ESRRG: variants seen among roughly 807,000 people sequenced by gnomAD.
The protein encoded by ESRRG is estrogen related receptor gamma.
A neutral mutation model predicts 44.0 loss-of-function variants in ESRRG; 13 were observed. The ratio of observed to expected loss-of-function variants is 0.30; its 90% CI spans 0.19 to 0.47. The LOEUF is 0.47. Ranked by LOEUF, ESRRG falls within the 20% of genes least tolerant of loss-of-function variation. The pLI, the probability that ESRRG is intolerant of heterozygous loss-of-function variation, is 1.00. For missense variants in ESRRG, 395 were observed against 580.6 expected, an observed-to-expected ratio of 0.68 and a Z score of 3.29; for synonymous variants, 215 against 214.6, an observed-to-expected ratio of 1.00 and a Z score of -0.02.
intron 1 of ESRRG, among the ~76,000 whole-genome samples, chr1:217,114,134 G>C (rs1304837127): frequency 6.6e-6 from 1 of 152,042 alleles, no homozygotes; most frequent in Non-Finnish European, 1.5e-5. Context: ...AAGATTTAAA[G>C]ATTACTGTTA....
intron 6 of ESRRG, among the ~76,000 whole-genome samples, chr1:216,517,130 T>G (rs989180324): frequency 6.6e-6 from 1 of 151,778 alleles, no homozygotes; most frequent in Non-Finnish European, 1.5e-5. Flanking sequence ...GGACAGAGAC[T>G]TTTTTTTAGA....
chr1:216,682,174 G>A (rs1181513679), intron 1 of ESRRG: 11 of 152,126 alleles, frequency 7.2e-5, no homozygotes, highest in Non-Finnish European at 1.6e-4. Flanking sequence ...TAAAACAAAT[G>A]GAGAAATAAA....
chr1:216,992,309 A>C (rs2150532407), intron 1 of ESRRG, among the ~76,000 whole-genome samples: 1 of 152,316 alleles, frequency 6.6e-6, no homozygotes, highest in Non-Finnish European at 1.5e-5. Context: ...AAAACTAAAC[A>C]AACATCAAAG....
intron 5 of ESRRG, among the ~76,000 whole-genome samples, chr1:216,533,784 C>T (rs1219987543): frequency 6.6e-6 from 1 of 152,100 alleles, no homozygotes; most frequent in Non-Finnish European, 1.5e-5. Flanking sequence ...AGACAGATCC[C>T]ATTTTTCAGC....
At chr1:216,847,201 T>C (rs2095765223) in intron 2 of ESRRG, among the ~76,000 whole-genome samples, 1 of 152,140 alleles carries the variant, frequency 6.6e-6, no homozygotes, top group Admixed American at 6.6e-5. Context: ...TAGGGCTCTA[T>C]ATTATTAAAG....
chr1:217,089,892 C>T (rs1558248778), upstream of ESRRG, among the ~76,000 whole-genome samples: 1 of 152,222 alleles, frequency 6.6e-6, no homozygotes, highest in East Asian at 1.9e-4. Flanking sequence ...TGACCCAGGA[C>T]GTCATGATGC....
intron 3 of ESRRG, among the ~76,000 whole-genome samples, chr1:216,636,473 G>A (rs1459638341): frequency 5.9e-5 from 9 of 152,146 alleles, no homozygotes; most frequent in African/African-American, 2.2e-4. Flanking sequence ...CATTGTGATC[G>A]AAAAGAGACA....
At chr1:217,099,502 A>G (rs1219348310) in intron 1 of ESRRG, among the ~76,000 whole-genome samples, 1 of 152,176 alleles carries the variant, frequency 6.6e-6, no homozygotes, top group Non-Finnish European at 1.5e-5. Flanking sequence ...ATGAAATCTA[A>G]TATAATGTGG....
At chr1:217,135,547 T>TGTTGGC (rs947643089) in intron 1 of ESRRG, among the ~76,000 whole-genome samples, 3 of 150,994 alleles carry the variant, frequency 2.0e-5, no homozygotes, top group African/African-American at 4.9e-5. Context: ...GCGGCGGCGG[T>TGTTGGC]GTTGGCGGCG....
intron 2 of ESRRG, among the ~76,000 whole-genome samples, chr1:216,910,705 C>T (rs117307224): frequency 1.3e-5 from 2 of 152,278 alleles, no homozygotes; most frequent in East Asian, 3.9e-4. Context: ...AGGGGCATGG[C>T]ATTATACATC....
chr1:216,596,420 G>T (rs1278038510), intron 3 of ESRRG, among the ~76,000 whole-genome samples: 1 of 152,158 alleles, frequency 6.6e-6, no homozygotes, highest in Non-Finnish European at 1.5e-5. Context: ...GTTTGAAAGG[G>T]ATTGAAACTG....
chr1:216,824,557 T>C (rs909892070), intron 2 of ESRRG, among the ~76,000 whole-genome samples: 1 of 152,128 alleles, frequency 6.6e-6, no homozygotes, highest in African/African-American at 2.4e-5. Flanking sequence ...GCACAGATCC[T>C]GCAGGGAATA....
chr1:217,049,972 A>G (rs1446727533), intron 1 of ESRRG, among the ~76,000 whole-genome samples: 1 of 152,206 alleles, frequency 6.6e-6, no homozygotes, highest in African/African-American at 2.4e-5. Flanking sequence ...AAATAAGTAC[A>G]TCTATGAACA....
intron 1 of ESRRG, among the ~76,000 whole-genome samples, chr1:216,993,105 C>T (rs897790993): frequency 6.6e-6 from 1 of 152,108 alleles, no homozygotes; most frequent in African/African-American, 2.4e-5. Context: ...AGATCTTTAG[C>T]AATTAGTAGA....
intron 3 of ESRRG, among the ~76,000 whole-genome samples, chr1:216,636,212 A>G (rs2065265927): frequency 6.6e-6 from 1 of 152,196 alleles, no homozygotes; most frequent in African/African-American, 2.4e-5. Context: ...TGTGTTTACA[A>G]TACAATTCCA....
At chr1:216,677,029 C>T (rs2076225281) in intron 2 of ESRRG, 47 bp downstream of exon 2, 1 of 1,440,884 alleles carries the variant, frequency 6.9e-7, no homozygotes, top group Non-Finnish European at 9.6e-7. Context: ...AAAAACCCAT[C>T]ATGTGAGGTT....
At chr1:216,780,922 C>T (rs1449655148) in intron 2 of ESRRG, among the ~76,000 whole-genome samples, 2 of 152,006 alleles carry the variant, frequency 1.3e-5, no homozygotes, top group African/African-American at 4.8e-5. Flanking sequence ...ATTTAAAGAT[C>T]ATTTATTTAT....
intron 6 of ESRRG, among the ~76,000 whole-genome samples, chr1:216,514,700 C>T (rs1216094000): frequency 1.3e-5 from 2 of 152,068 alleles, no homozygotes; most frequent in Non-Finnish European, 2.9e-5. Flanking sequence ...GAAGGTCCCA[C>T]CTTCTGCCTC....
chr1:216,679,641 T>C (rs1438158976), intron 1 of ESRRG, among the ~76,000 whole-genome samples: 2 of 151,418 alleles, frequency 1.3e-5, no homozygotes, highest in Admixed American at 6.6e-5. Context: ...TTCTTTTTTT[T>C]TTTTTTATCC....
Sources: gnomAD v4.1 joint callset for allele counts (sites outside exome capture counted in the v4.1 genomes callset) on GRCh38, gnomAD v4.1.1 for gene constraint, MANE v1.5 for transcripts, NCBI Gene and HGNC (gene_info 2026-07-23, HGNC 2026-07-21) for gene names.